GPR107: variants seen among roughly 807,000 people sequenced by gnomAD.
The protein encoded by GPR107 is protein GPR107.
A neutral mutation model predicts 75.5 loss-of-function variants in GPR107; 31 were observed. The ratio of observed to expected loss-of-function variants is 0.41; its 90% CI spans 0.31 to 0.55. The LOEUF is 0.55. Among genes scored for constraint, GPR107 ranks in the 20% least tolerant of loss-of-function variants. GPR107 has a pLI of 0.26. For synonymous variants in GPR107, 267 were observed against 251.3 expected (o/e 1.06, Z -0.59); for missense variants, 572 against 665.7 (o/e 0.86, Z 1.55).
intron 15 of GPR107, among the ~76,000 whole-genome samples, chr9:130,126,056 CAAA>C (rs569390895): frequency 8.8e-6 from 1 of 113,394 alleles, no homozygotes; most frequent in Non-Finnish European, 1.8e-5. Flanking sequence ...GACTCTGTCT[CAAA>C]AAAAAAAAAA....
intron 1 of GPR107, among the ~76,000 whole-genome samples, chr9:130,074,009 G>A (rs971744621): frequency 3.3e-5 from 5 of 151,940 alleles, no homozygotes; most frequent in Non-Finnish European, 7.4e-5. Flanking sequence ...CTCCTGCCTC[G>A]GCCTCCCAAA....
intron 12 of GPR107, among the ~76,000 whole-genome samples, chr9:130,104,109 C>G (rs1831101820): frequency 6.6e-6 from 1 of 152,158 alleles, no homozygotes; most frequent in Non-Finnish European, 1.5e-5. Flanking sequence ...AGACTTCTTA[C>G]AAGAAGGCTT....
chr9:130,108,514 G>A (rs1227099300), intron 14 of GPR107, among the ~76,000 whole-genome samples: 1 of 152,228 alleles, frequency 6.6e-6, no homozygotes, highest in East Asian at 1.9e-4. Flanking sequence ...TTGTTATTTA[G>A]AGCACAGTAT....
intron 1 of GPR107, among the ~76,000 whole-genome samples, chr9:130,071,148 A>T (rs1291818003): frequency 1.5e-5 from 2 of 136,010 alleles, no homozygotes; most frequent in African/African-American, 2.8e-5. Flanking sequence ...CAATCGTCCC[A>T]CTTCAGCCTC....
intron 1 of GPR107, among the ~76,000 whole-genome samples, chr9:130,058,645 A>G (rs1383620312): frequency 6.6e-6 from 1 of 152,040 alleles, no homozygotes; most frequent in African/African-American, 2.4e-5. Flanking sequence ...TTGTATTTTT[A>G]GTAGAGACAG....
At chr9:130,120,438 C>G (rs1337861804) in intron 14 of GPR107, among the ~76,000 whole-genome samples, 9 of 152,206 alleles carry the variant, frequency 5.9e-5, no homozygotes. Flanking sequence ...TGGTTAAGAC[C>G]TGCAGTGCCT....
At chr9:130,101,950 C>G (rs146307008) in intron 12 of GPR107, among the ~76,000 whole-genome samples, 1,857 of 152,292 alleles carry the variant, frequency 0.012, 22 homozygotes, top group Non-Finnish European at 0.021. Context: ...GATCAGCCGT[C>G]CCAACTCTGG....
At chr9:130,057,835 TA>T (rs753335660) in intron 1 of GPR107, among the ~76,000 whole-genome samples, 104 of 86,970 alleles carry the variant, frequency 1.2e-3, no homozygotes, top group Middle Eastern at 0.013. Context: ...TTATTATTAT[TA>T]TTTTTTTTTT....
chr9:130,055,265 A>AG (rs1829734924), intron 1 of GPR107, among the ~76,000 whole-genome samples: 1 of 151,066 alleles, frequency 6.6e-6, no homozygotes, highest in African/African-American at 2.4e-5. Flanking sequence ...GAGGAGATCG[A>AG]GACCATCCTG....
chr9:130,082,436 C>T (rs923941630), intron 5 of GPR107, among the ~76,000 whole-genome samples: 1 of 151,680 alleles, frequency 6.6e-6, no homozygotes, highest in Non-Finnish European at 1.5e-5. Context: ...TTCCTTCCTG[C>T]AGGGAGCCTG....
intron 14 of GPR107, among the ~76,000 whole-genome samples, chr9:130,111,367 G>GA (rs1321742760): frequency 2.0e-5 from 3 of 151,964 alleles, no homozygotes; most frequent in Non-Finnish European, 4.4e-5. Flanking sequence ...CCCACCTCTA[G>GA]AAAAAGATAC....
intron 10 of GPR107, 55 bp from the exon 11 acceptor site, chr9:130,100,574 T>C: frequency 8.1e-7 from 1 of 1,241,122 alleles, no homozygotes; most frequent in Admixed American, 1.7e-5. Flanking sequence ...TAAAAGATTC[T>C]TTGTGGAGCC....
At chr9:130,056,065 C>T (rs1157054025) in intron 1 of GPR107, among the ~76,000 whole-genome samples, 1 of 127,450 alleles carries the variant, frequency 7.8e-6, no homozygotes, top group Non-Finnish European at 1.5e-5. Flanking sequence ...ATGGTTCAAT[C>T]ACAGGGGTGG....
At chr9:130,054,176 TC>T in intron 1 of GPR107, 103 bp downstream of exon 1, 1 of 1,119,834 alleles carries the variant, frequency 8.9e-7, no homozygotes, top group East Asian at 2.7e-5. Flanking sequence ...CTGGACCACC[TC>T]TTTGCCCCTG....
At chr9:130,100,919 A>G (rs537360372) in intron 11 of GPR107, among the ~76,000 whole-genome samples, 187 bp from the exon 12 acceptor site, 1 of 152,318 alleles carries the variant, frequency 6.6e-6, no homozygotes, top group South Asian at 2.1e-4. Context: ...TTGGCTGTCC[A>G]GGCTGTGGGG....
chr9:130,123,355 C>G (rs1162686951), intron 14 of GPR107, among the ~76,000 whole-genome samples: 1 of 152,078 alleles, frequency 6.6e-6, no homozygotes, highest in African/African-American at 2.4e-5. Context: ...AGGCGCCCAC[C>G]ACCATGTCTG....
At position 130,053,992 on chromosome 9, in the gene GPR107, C is replaced by T. The variant is rs1405512126; in HGVS notation, c.60C>T (p.Gly20=). The T allele has an allele frequency of 6.4e-7, 1 of 1,552,860 alleles. No individual in the cohort carries two copies. The highest frequency in any genetic ancestry group is 8.7e-7 in the Non-Finnish European group (1 of 1,148,936). The change falls in exon 1 of 18, where the codon GGC becomes GGT. Residue 20 remains glycine, a synonymous_variant. Transcript: ENST00000347136. ...CCCGCGGTCCTAGGCTGGCCGCGGG[C>T]CTCCGGCTGCTCCCAATGCTGGGTT... ...PASRGPRLAA[G]LRLLPMLGLL...
chr9:130,097,609 G>T (rs6478944), intron 9 of GPR107, among the ~76,000 whole-genome samples: 65,759 of 151,890 alleles, frequency 0.43, 14,998 homozygotes, highest in East Asian at 0.78. Flanking sequence ...GTGTAAAGTG[G>T]TATCTTGCTT....
At chr9:130,104,213 A>G (rs563156674) in intron 12 of GPR107, among the ~76,000 whole-genome samples, 77 of 152,246 alleles carry the variant, frequency 5.1e-4, no homozygotes, top group Middle Eastern at 3.4e-3. Context: ...TAGAGCAATT[A>G]CGGCCTGTGC....
Sources: allele counts gnomAD v4.1 joint callset (sites outside exome capture counted in the v4.1 genomes callset), GRCh38; gene constraint gnomAD v4.1.1; transcripts MANE v1.5; gene names NCBI Gene and HGNC (gene_info 2026-07-23, HGNC 2026-07-21).